Variants in CCDC171 observed in about 807,000 individuals in gnomAD.
The protein encoded by CCDC171 is coiled-coil domain-containing protein 171.
In CCDC171, 177 loss-of-function variants were observed where a neutral mutation model predicts 168.2. The observed-to-expected ratio is 1.05, with a 90% CI of 0.93 to 1.19. The LOEUF (loss-of-function observed/expected upper bound fraction) is 1.19, where lower values mean the gene tolerates loss of function less well. Among genes scored for constraint, CCDC171 ranks in the 50% most tolerant of loss-of-function variants. The pLI, the probability that CCDC171 is intolerant of heterozygous loss-of-function variation, is 0.00. For missense variants in CCDC171, 1,991 were observed against 1,539.0 expected, an observed-to-expected ratio of 1.29 and a Z score of -4.91; for synonymous variants, 687 against 540.8, an observed-to-expected ratio of 1.27 and a Z score of -3.75.
At chr9:15,741,170 G>A (rs2054855540) in intron 16 of CCDC171, among the ~76,000 whole-genome samples, 1 of 152,080 alleles carries the variant, frequency 6.6e-6, no homozygotes, top group Non-Finnish European at 1.5e-5. Context: ...TCCTTTTAAA[G>A]TATACAGTTC....
intron 11 of CCDC171, among the ~76,000 whole-genome samples, chr9:15,721,278 G>T (rs1336842233): frequency 6.6e-6 from 1 of 151,962 alleles, no homozygotes; most frequent in Non-Finnish European, 1.5e-5. Context: ...CTTGGGTTCA[G>T]AAATTATTAT....
intron 6 of CCDC171, among the ~76,000 whole-genome samples, chr9:15,621,588 C>G (rs565332976): frequency 6.6e-6 from 1 of 152,256 alleles, no homozygotes; most frequent in East Asian, 1.9e-4. Context: ...ATTGGAATCT[C>G]AGACCAGTCA....
At chr9:16,035,182 AT>A (rs1297339398) in intron 6 of CCDC171, among the ~76,000 whole-genome samples, 1 of 152,242 alleles carries the variant, frequency 6.6e-6, no homozygotes, top group Non-Finnish European at 1.5e-5. Context: ...TTATAACAGC[AT>A]TTGGAGAGAT....
intron 18 of CCDC171, among the ~76,000 whole-genome samples, chr9:15,754,815 G>A (rs1339839620): frequency 6.6e-6 from 1 of 152,044 alleles, no homozygotes; most frequent in Non-Finnish European, 1.5e-5. Flanking sequence ...AAGAGTCTTT[G>A]ATTACTGGTT....
At chr9:15,954,881 C>T (rs1004273379) in intron 25 of CCDC171, among the ~76,000 whole-genome samples, 1 of 152,040 alleles carries the variant, frequency 6.6e-6, no homozygotes, top group Non-Finnish European at 1.5e-5. Context: ...ATCTGTAAGA[C>T]AGTTGTTGTA....
At chr9:15,952,347 T>A (rs1400495274) in intron 25 of CCDC171, among the ~76,000 whole-genome samples, 1 of 152,162 alleles carries the variant, frequency 6.6e-6, no homozygotes, top group Non-Finnish European at 1.5e-5. Context: ...TTTTCAATCT[T>A]GTTTTGGGTA....
At chr9:16,006,351 T>C (rs1832695378) in intron 3 of CCDC171, among the ~76,000 whole-genome samples, 1 of 152,238 alleles carries the variant, frequency 6.6e-6, no homozygotes, top group South Asian at 2.1e-4. Flanking sequence ...TAATTAATGA[T>C]GTTGAGCATG....
intron 21 of CCDC171, among the ~76,000 whole-genome samples, chr9:15,838,157 A>T (rs566707743): frequency 5.3e-5 from 8 of 152,326 alleles, no homozygotes; most frequent in African/African-American, 1.9e-4. Flanking sequence ...ATGTGCGTTT[A>T]TAGGAAGTAA....
At chr9:16,014,591 T>A (rs1405556073) in intron 3 of CCDC171, among the ~76,000 whole-genome samples, 1 of 152,196 alleles carries the variant, frequency 6.6e-6, no homozygotes, top group Non-Finnish European at 1.5e-5. Context: ...TTATGAAATG[T>A]ATTTCTTAAA....
chr9:16,091,481 G>A, the CCDC171 span, among the ~76,000 whole-genome samples: 2 of 152,210 alleles, frequency 1.3e-5, no homozygotes, highest in Non-Finnish European at 2.9e-5. Flanking sequence ...ACCATCTAGT[G>A]TAGGAGCTGA....
At chr9:15,625,310 CTTTAA>C (rs1448618134) in intron 7 of CCDC171, among the ~76,000 whole-genome samples, 19 of 152,244 alleles carry the variant, frequency 1.2e-4, no homozygotes, top group Admixed American at 9.8e-4. Context: ...TGCAGAAGCT[CTTTAA>C]TTTAATTAGA....
chr9:15,553,830 T>G (rs2038546141), intron 1 of CCDC171, among the ~76,000 whole-genome samples: 2 of 151,390 alleles, frequency 1.3e-5, no homozygotes, highest in Non-Finnish European at 3.0e-5. Flanking sequence ...TGGAGCCGAC[T>G]TTTTGAATTT....
chr9:15,854,744 C>G (rs147454670), intron 23 of CCDC171, among the ~76,000 whole-genome samples: 2 of 151,558 alleles, frequency 1.3e-5, no homozygotes, highest in African/African-American at 2.4e-5. Context: ...AGATTTCTGT[C>G]TGATGCAGCT....
At chr9:15,587,672 C>G (rs1214474994) in intron 4 of CCDC171, 1 of 456,670 alleles carries the variant, frequency 2.2e-6, no homozygotes, top group East Asian at 6.9e-5. Context: ...TAACGTCCAC[C>G]TTGAAGCTCA....
At chr9:15,605,456 G>A (rs2043148769) in intron 6 of CCDC171, among the ~76,000 whole-genome samples, 1 of 146,260 alleles carries the variant, frequency 6.8e-6, no homozygotes, top group African/African-American at 2.5e-5. Context: ...GAGGCGGGCA[G>A]ATCATGAGGT....
At chr9:15,976,661 A>C (rs896896045), downstream of CCDC171, among the ~76,000 whole-genome samples, 12 of 151,438 alleles carry the variant, frequency 7.9e-5, no homozygotes, top group African/African-American at 2.4e-4. Context: ...TGAATTATAT[A>C]CTTTAAATTA....
chr9:15,933,452 A>G (rs982307234), intron 25 of CCDC171, among the ~76,000 whole-genome samples: 22 of 151,914 alleles, frequency 1.4e-4, no homozygotes, highest in Non-Finnish European at 1.5e-5. Context: ...TTTTCCAAAA[A>G]ACGAATGCTT....
chr9:15,999,801 C>G (rs939823363), intron 3 of CCDC171, among the ~76,000 whole-genome samples: 3 of 152,210 alleles, frequency 2.0e-5, no homozygotes, highest in Non-Finnish European at 4.4e-5. Flanking sequence ...GGTCTCTGCT[C>G]TTAGATTCCA....
chr9:15,715,807 G>A (rs543037363), intron 11 of CCDC171, among the ~76,000 whole-genome samples: 2 of 152,232 alleles, frequency 1.3e-5, no homozygotes, highest in Non-Finnish European at 2.9e-5. Flanking sequence ...AAATAATGAT[G>A]TCAGCTTGAA....
Sources: gnomAD v4.1 joint callset for allele counts (sites outside exome capture counted in the v4.1 genomes callset) on GRCh38, gnomAD v4.1.1 for gene constraint, MANE v1.5 for transcripts, NCBI Gene and HGNC (gene_info 2026-07-23, HGNC 2026-07-21) for gene names.